Variants in CDH13 observed in about 807,000 individuals in gnomAD.
CDH13 encodes the protein cadherin 13.
Under a neutral mutation model 63.8 loss-of-function variants are expected in CDH13, and 24 were observed. The ratio of observed to expected loss-of-function variants is 0.38; its 90% CI spans 0.27 to 0.53. CDH13 has a LOEUF of 0.53. Among genes scored for constraint, CDH13 ranks in the 20% least tolerant of loss-of-function variants. The pLI, the probability that CDH13 is intolerant of heterozygous loss-of-function variation, is 0.85. For synonymous variants in CDH13, 503 were observed against 355.3 expected (o/e 1.42, Z -4.67); for missense variants, 1,049 against 903.1 (o/e 1.16, Z -2.07).
intron 5 of CDH13, among the ~76,000 whole-genome samples, chr16:83,301,779 AT>A (rs967963856): frequency 6.6e-6 from 1 of 150,402 alleles, no homozygotes; most frequent in African/African-American, 2.4e-5. Context: ...ATTTCCTGTA[AT>A]TTTTTTTTCT....
At chr16:82,953,876 A>C (rs1313315186) in intron 2 of CDH13, 1 of 152,208 alleles carries the variant, frequency 6.6e-6, no homozygotes, top group African/African-American at 2.4e-5. Context: ...AGTAGGTAAC[A>C]ATTATTAAGT....
chr16:82,840,519 C>G (rs1244616423), intron 1 of CDH13, among the ~76,000 whole-genome samples: 5 of 151,634 alleles, frequency 3.3e-5, no homozygotes, highest in Non-Finnish European at 7.4e-5. Flanking sequence ...CTCGTCTCTA[C>G]TAAAAACACG....
At chr16:83,746,895 A>G (rs116060331) in intron 10 of CDH13, among the ~76,000 whole-genome samples, 49 of 152,302 alleles carry the variant, frequency 3.2e-4, no homozygotes, top group African/African-American at 1.1e-3. Context: ...CAAAAGAGCA[A>G]CCTCAAAACA....
intron 5 of CDH13, among the ~76,000 whole-genome samples, chr16:83,261,438 C>G (rs1285603196): frequency 6.6e-6 from 1 of 152,046 alleles, no homozygotes; most frequent in African/African-American, 2.4e-5. Flanking sequence ...CTCCTGGCAT[C>G]TGGTAGGTAA....
chr16:82,977,952 A>G (rs1389179134), intron 2 of CDH13, among the ~76,000 whole-genome samples: 1 of 152,218 alleles, frequency 6.6e-6, no homozygotes, highest in African/African-American at 2.4e-5. Flanking sequence ...AGTGATATGG[A>G]CAATGAAGTC....
At chr16:83,696,416 A>G (rs1274464860) in intron 10 of CDH13, among the ~76,000 whole-genome samples, 1 of 152,020 alleles carries the variant, frequency 6.6e-6, no homozygotes, top group Non-Finnish European at 1.5e-5. Context: ...TGAAATCTGT[A>G]AAGGTGGGAG....
intron 7 of CDH13, among the ~76,000 whole-genome samples, chr16:83,526,791 A>C (rs2074972510): frequency 6.6e-6 from 1 of 152,182 alleles, no homozygotes; most frequent in Non-Finnish European, 1.5e-5. Flanking sequence ...GGAACAGTGA[A>C]ACTGCTGGCA....
intron 1 of CDH13, among the ~76,000 whole-genome samples, chr16:82,717,866 T>C (rs2032493359): frequency 6.6e-6 from 1 of 151,868 alleles, no homozygotes; most frequent in African/African-American, 2.4e-5. Context: ...CATCAGTTAG[T>C]GGGGGGGAAG....
At chr16:83,541,910 G>A (rs774252193) in intron 7 of CDH13, among the ~76,000 whole-genome samples, 55 of 152,232 alleles carry the variant, frequency 3.6e-4, no homozygotes, top group Non-Finnish European at 7.1e-4. Context: ...GACAGAGGCT[G>A]TGTCTTTCTT....
rs1052435146 is a variant in CDH13, at chr16:83,678,381, G to T, written c.1458G>T (p.Arg486Ser). The part of the protein sequence containing the change: ...VFYPDPMMVT[R>S]QEDLSVGSVL... ...ACCCAGACCCCATGATGGTGACCAG[G>T]CAGGAGGACCTCTCTGTGGGCAGCG... Residue 486 changes from arginine to serine, a missense_variant, in exon 10 of 14, where the codon AGG (arginine) becomes AGT (serine). Coordinates refer to ENST00000567109, the MANE Select transcript of CDH13 (RefSeq NM_001257.5). The T allele has an allele frequency of 6.2e-7, 1 of 1,613,878 alleles. No homozygotes were observed. Among genetic ancestry groups the T allele is most frequent in the African/African-American group, 1.3e-5 (1 of 74,908 alleles).
intron 1 of CDH13, among the ~76,000 whole-genome samples, chr16:82,686,108 T>G (rs1397564649): frequency 6.6e-6 from 1 of 152,214 alleles, no homozygotes; most frequent in African/African-American, 2.4e-5. Context: ...TCTCAGAAAT[T>G]TGGGTAATGC....
At chr16:83,271,639 AAGAAAATAATTCACAATACTC>A (rs2088821582) in intron 5 of CDH13, among the ~76,000 whole-genome samples, 1 of 152,004 alleles carries the variant, frequency 6.6e-6, no homozygotes, top group South Asian at 2.1e-4. Flanking sequence ...CAATTACAGT[AAGAAAATAATTCACAATACTC>A]AAGGGGAAGG....
At chr16:82,785,796 A>T (rs2035973980) in intron 1 of CDH13, among the ~76,000 whole-genome samples, 1 of 152,216 alleles carries the variant, frequency 6.6e-6, no homozygotes, top group East Asian at 1.9e-4. Flanking sequence ...CCGCAAAAGA[A>T]ATAGCAGTCG....
chr16:82,657,168 A>C lies in CDH13; in HGVS notation c.45+30031A>C, dbSNP rs186135315. Among the ~76,000 whole-genome samples the C allele has an allele frequency of 9.2e-3, 1,357 of 146,842 alleles. 20 individuals carry two copies. The highest frequency in any genetic ancestry group is 0.033 in the African/African-American group (1,306 of 40,142). ...CTATGGATTGTACCAAGCCCTACATACATTATGTTTTTTTCCTGTACATAC... is the reference window on the plus strand; with the variant it reads ...CTATGGATTGTACCAAGCCCTACATCCATTATGTTTTTTTCCTGTACATAC... On this transcript the variant is annotated intron_variant, in intron 1 of 13. Transcript: ENST00000567109.
intron 10 of CDH13, among the ~76,000 whole-genome samples, chr16:83,689,908 G>A (rs565361557): frequency 4.6e-5 from 7 of 152,306 alleles, no homozygotes; most frequent in African/African-American, 7.2e-5. Context: ...TCTGTTGGCC[G>A]GGAGCAGTGG....
intron 4 of CDH13, among the ~76,000 whole-genome samples, chr16:83,172,761 A>G (rs2037976282): frequency 6.6e-6 from 1 of 152,078 alleles, no homozygotes; most frequent in South Asian, 2.1e-4. Flanking sequence ...AACAAACAAC[A>G]TAGTAGATAA....
rs1002011601 is a variant in CDH13 at position 83,088,387 on chromosome 16, G to A, written c.367-36998G>A. On this transcript the variant is annotated intron_variant, in intron 3 of 13. Coordinates refer to ENST00000567109, the MANE Select transcript of CDH13 (RefSeq NM_001257.5). Reference sequence around the variant, plus strand: ...AGCAAGTTGTTGACATTCTTTGGACGCAATTTGCAATCCCCTTTATTTTCC... The same window carrying A: ...AGCAAGTTGTTGACATTCTTTGGACACAATTTGCAATCCCCTTTATTTTCC... 2.6e-4 allele frequency among the ~76,000 whole-genome samples: 40 copies of A among 152,118 alleles called. 1 individual carries two copies. The highest frequency in any genetic ancestry group is 1.6e-3 in the Admixed American group (25 of 15,274).
intron 6 of CDH13, among the ~76,000 whole-genome samples, chr16:83,387,894 C>A (rs1054948694): frequency 1.7e-4 from 26 of 152,168 alleles, no homozygotes; most frequent in African/African-American, 6.3e-4. Context: ...TTTCATTATG[C>A]TCATTTTAAC....
intron 6 of CDH13, among the ~76,000 whole-genome samples, chr16:83,470,718 G>C (rs912384683): frequency 6.6e-6 from 1 of 152,164 alleles, no homozygotes. Context: ...CTAGCCCAGA[G>C]CTGCACGTCC....
Sources: allele counts gnomAD v4.1 joint callset (sites outside exome capture counted in the v4.1 genomes callset), GRCh38; gene constraint gnomAD v4.1.1; transcripts MANE v1.5; gene names NCBI Gene and HGNC (gene_info 2026-07-23, HGNC 2026-07-21).